OSCP1: variants seen among roughly 807,000 people sequenced by gnomAD.
OSCP1 encodes the protein protein OSCP1.
OSCP1 carries 35 observed loss-of-function variants against 45.1 expected under a neutral mutation model. The observed-to-expected ratio is 0.78, with a 90% CI of 0.59 to 1.03. The LOEUF (loss-of-function observed/expected upper bound fraction) is 1.03, where lower values mean the gene tolerates loss of function less well. OSCP1 is among the 50% of genes least tolerant of loss of function. The pLI is 0.00. For missense variants in OSCP1, 400 were observed against 470.7 expected (o/e 0.85, Z 1.39); for synonymous variants, 179 against 180.1 (o/e 0.99, Z 0.05).
At chr1:36,428,528 C>T in intron 4 of OSCP1, 1 of 1,533,416 alleles carries the variant, frequency 6.5e-7, no homozygotes, top group Admixed American at 2.1e-5. Flanking sequence ...TTCAGTTAAT[C>T]CAACAAAATT....
At chr1:36,420,194 C>T in intron 8 of OSCP1, 1 of 236,432 alleles carries the variant, frequency 4.2e-6, no homozygotes, top group South Asian at 1.0e-4. Context: ...GCCAGGATGG[C>T]CTCGACCTCC....
chr1:36,422,858 T>C lies in OSCP1; in HGVS notation c.659A>G (p.Glu220Gly), dbSNP rs1404009959. The change falls in exon 6 of 10, where the codon GAA becomes GGA. Residue 220 changes from glutamate (E) to glycine (G), a missense_variant. Physicochemically the swap from Glu to Gly is moderately conservative, Grantham distance 98. Coordinates refer to ENST00000235532, the MANE Select transcript of OSCP1 (RefSeq NM_145047.5). ...GACATAGTTTCCACCATGCTTGAAT[T>C]CTATCCTCTTCACTTCTTCACCTTT... Reference protein sequence around the residue: ...NNKGEEVKRIEFKHGGNYVPA... With the variant: ...NNKGEEVKRIGFKHGGNYVPA... 6.2e-7 allele frequency: 1 copy of C among 1,610,508 alleles called. No homozygotes were observed. The highest frequency in any genetic ancestry group is 8.5e-7 in the Non-Finnish European group (1 of 1,178,078).
chr1:36,445,906 T>C (rs1308945176), intron 1 of OSCP1, among the ~76,000 whole-genome samples: 3 of 149,980 alleles, frequency 2.0e-5, no homozygotes, highest in Admixed American at 6.7e-5. Context: ...AGAGACGGGG[T>C]TTCTCCATGT....
At position 36,423,478 on chromosome 1, in the gene OSCP1, T is replaced by C; in HGVS notation, c.517-12A>G. 1 of 1,571,538 alleles carries C rather than the reference T, an allele frequency of 6.4e-7. No individual in the cohort carries two copies. ...AGAAACATGGATACCTGGAAAAAAA[T>C]ACATTTATTGTCATTTTTCTTGGTA... On this transcript the variant is annotated splice_polypyrimidine_tract_variant and intron_variant, in intron 4 of 9. Transcript: ENST00000235532.
At chr1:36,438,976 T>C in intron 1 of OSCP1, 66 bp from the exon 2 acceptor site, 1 of 1,541,024 alleles carries the variant, frequency 6.5e-7, no homozygotes, top group Non-Finnish European at 8.9e-7. Flanking sequence ...AAATGCTCTT[T>C]GTGTGCAGGT....
chr1:36,448,579 T>TGGGGTGCTATGGGAGCAC (rs1553149474), intron 1 of OSCP1, among the ~76,000 whole-genome samples: 1 of 152,322 alleles, frequency 6.6e-6, no homozygotes, highest in East Asian at 1.9e-4. Flanking sequence ...GGAGCAGGCA[T>TGGGGTGCTATGGGAGCAC]GGGGTGCTAT....
intron 4 of OSCP1, among the ~76,000 whole-genome samples, chr1:36,426,898 G>A (rs1290418163): frequency 1.3e-5 from 2 of 152,044 alleles, no homozygotes; most frequent in Admixed American, 6.6e-5. Flanking sequence ...TAGGGACGGG[G>A]TTTCACCATG....
Position 36,431,775 on chromosome 1 carries a change from T to G in OSCP1, c.516+27A>C, listed in dbSNP as rs201192535. On this transcript the variant is annotated intron_variant, in intron 4 of 9. Coordinates refer to ENST00000235532, the MANE Select transcript of OSCP1 (RefSeq NM_145047.5). ...TTTCCCTGGTACAGCAGCTCCTGAG[T>G]GTTCCCAGGGCTGCCTATTGACTTA... The G allele has an allele frequency of 2.3e-3, 3,680 of 1,606,382 alleles. 8 individuals are homozygous for G. Among genetic ancestry groups the G allele is most frequent in the Non-Finnish European group, 2.6e-3 (3,088 of 1,174,872 alleles).
At chr1:36,428,456 T>C (rs1648130184) in intron 4 of OSCP1, 1 of 1,613,728 alleles carries the variant, frequency 6.2e-7, no homozygotes, top group Non-Finnish European at 8.5e-7. Context: ...TTCTTGCATA[T>C]GCTTCCAGAA....
intron 4 of OSCP1, among the ~76,000 whole-genome samples, chr1:36,425,064 T>C (rs557382473): frequency 6.6e-6 from 1 of 150,418 alleles, no homozygotes; most frequent in African/African-American, 2.4e-5. Context: ...TCCCAGCTAC[T>C]CACAAGGACA....
rs534586037 is a variant in OSCP1 at position 36,445,380 on chromosome 1, T to C, written c.112+4878A>G. 2.0e-4 allele frequency among the ~76,000 whole-genome samples: 30 copies of C among 152,336 alleles called. No homozygotes were observed. The East Asian group carries it at 5.4e-3, about 27-fold the overall frequency. Reference sequence around the variant, plus strand: ...AAACAAAAACCCCAAAACCATTTTGTAATTAATAGTTTCTTTTGGAAACAT... The same window carrying C: ...AAACAAAAACCCCAAAACCATTTTGCAATTAATAGTTTCTTTTGGAAACAT... On this transcript the variant is annotated intron_variant, in intron 1 of 9. Transcript: ENST00000235532.
Position 36,450,442 on chromosome 1 carries a change from G to C in OSCP1, c.-73C>G, listed in dbSNP as rs1374595457. ...CCAGTGGCCTGAAGGCCAGGCCGCAGCGTCCCAATAGTCCGGTTGCTGGGG... is the reference window on the plus strand; with the variant it reads ...CCAGTGGCCTGAAGGCCAGGCCGCACCGTCCCAATAGTCCGGTTGCTGGGG... On this transcript the variant is annotated 5_prime_UTR_variant, in exon 1 of 10. Transcript: ENST00000235532. 2.3e-6 allele frequency: 3 copies of C among 1,278,570 alleles called. No homozygotes were observed. The highest frequency in any genetic ancestry group is 2.4e-5 in the South Asian group (2 of 82,382). 79.2% of individuals were successfully genotyped at this position (1,278,570 alleles called of 1,614,324 possible). A position where few individuals can be genotyped will look rare whatever the true frequency, so the allele number is the denominator to read the frequency against.
intron 8 of OSCP1, among the ~76,000 whole-genome samples, chr1:36,419,717 T>G (rs1313809093): frequency 6.6e-6 from 1 of 152,218 alleles, no homozygotes; most frequent in East Asian, 1.9e-4. Context: ...CACTCTGGTT[T>G]CTTAACACAC....
At chr1:36,439,531 A>G (rs1298847299) in intron 1 of OSCP1, among the ~76,000 whole-genome samples, 1 of 152,170 alleles carries the variant, frequency 6.6e-6, no homozygotes, top group Admixed American at 6.5e-5. Flanking sequence ...AAAAATAAAA[A>G]TTCCTATAAT....
Position 36,432,566 on chromosome 1 carries a change from A to G in OSCP1, c.291T>C (p.Ala97=). The G allele has an allele frequency of 1.9e-6, 3 of 1,614,192 alleles. No homozygotes were observed. The highest frequency in any genetic ancestry group is 2.5e-6 in the Non-Finnish European group (3 of 1,180,036). The change falls in exon 3 of 10, where the codon GCT becomes GCC. Residue 97 remains alanine (A), a synonymous_variant. Transcript: ENST00000235532. ...MDKLYDLMTM[A]FKYQVLLCPR... ...GACACAGCAATACTTGATATTTGAAAGCCATGGTCATCAGGTCATAGAGCT... is the reference window on the plus strand; with the variant it reads ...GACACAGCAATACTTGATATTTGAAGGCCATGGTCATCAGGTCATAGAGCT...
At chr1:36,437,179 C>T (rs924690342) in intron 2 of OSCP1, among the ~76,000 whole-genome samples, 2 of 152,034 alleles carry the variant, frequency 1.3e-5, no homozygotes, top group African/African-American at 4.8e-5. Flanking sequence ...GGGAGTTACA[C>T]TCTCCCTCCC....
chr1:36,440,605 G>A (rs562439130), intron 1 of OSCP1, among the ~76,000 whole-genome samples: 1 of 152,292 alleles, frequency 6.6e-6, no homozygotes, highest in South Asian at 2.1e-4. Flanking sequence ...ACCGTGGACA[G>A]CTTGGAGAGA....
intron 1 of OSCP1, among the ~76,000 whole-genome samples, chr1:36,449,057 TAATATCTG>T: frequency 6.6e-6 from 1 of 152,354 alleles, no homozygotes; most frequent in Non-Finnish European, 1.5e-5. Flanking sequence ...ACACAATAGT[TAATATCTG>T]AATATGTATG....
intron 2 of OSCP1, among the ~76,000 whole-genome samples, chr1:36,434,749 C>CAA (rs71053933): frequency 0.065 from 4,471 of 68,526 alleles, 475 homozygotes; most frequent in African/African-American, 0.21. Flanking sequence ...GACTTTGTCT[C>CAA]AAAAAAAAAA....
Sources: allele counts gnomAD v4.1 joint callset (sites outside exome capture counted in the v4.1 genomes callset), GRCh38; gene constraint gnomAD v4.1.1; transcripts MANE v1.5; gene names NCBI Gene and HGNC (gene_info 2026-07-23, HGNC 2026-07-21).